The following HBP1 variants were observed in gnomAD, a reference collection of about 807,000 sequenced individuals.
The protein encoded by HBP1 is HMG box-containing protein 1.
A neutral mutation model predicts 62.6 loss-of-function variants in HBP1; 20 were observed. The ratio of observed to expected loss-of-function variants is 0.32; its 90% CI spans 0.22 to 0.46. The LOEUF (loss-of-function observed/expected upper bound fraction) is 0.46. Ranked by LOEUF, HBP1 falls within the 20% of genes least tolerant of loss-of-function variation. The pLI, the probability that HBP1 is intolerant of heterozygous loss-of-function variation, is 1.00. For synonymous variants in HBP1, 232 were observed against 206.2 expected (o/e 1.12, Z -1.07); for missense variants, 480 against 611.8 (o/e 0.78, Z 2.27).
intron 3 of HBP1, among the ~76,000 whole-genome samples, chr7:107,185,548 A>C (rs1171943405): frequency 6.6e-6 from 1 of 152,220 alleles, no homozygotes; most frequent in Non-Finnish European, 1.5e-5. Flanking sequence ...GGGATAAATA[A>C]ATGAAACCAT....
intron 1 of HBP1, among the ~76,000 whole-genome samples, chr7:107,171,594 CG>C (rs1318929351): frequency 6.6e-6 from 1 of 151,992 alleles, no homozygotes; most frequent in Non-Finnish European, 1.5e-5. Flanking sequence ...TGTCCCAGCA[CG>C]GTGTCTCACG....
intron 3 of HBP1, among the ~76,000 whole-genome samples, chr7:107,183,802 A>T (rs1221884190): frequency 1.3e-5 from 2 of 152,156 alleles, no homozygotes; most frequent in Non-Finnish European, 2.9e-5. Context: ...CTCCCTGAGG[A>T]TGTATTATTC....
chr7:107,170,977 A>G (rs1206255744), intron 1 of HBP1, among the ~76,000 whole-genome samples: 1 of 145,352 alleles, frequency 6.9e-6, no homozygotes, highest in Non-Finnish European at 1.5e-5. Context: ...TATATAACAT[A>G]CATGTATATA....
intron 8 of HBP1, among the ~76,000 whole-genome samples, chr7:107,190,957 A>G (rs1185004274): frequency 6.6e-6 from 1 of 152,194 alleles, no homozygotes; most frequent in African/African-American, 2.4e-5. Flanking sequence ...CTGAAAGTCT[A>G]GCTTTCAGGA....
At chr7:107,188,735 GTCTTT>G (rs1253139621) in intron 6 of HBP1, among the ~76,000 whole-genome samples, 2 of 152,100 alleles carry the variant, frequency 1.3e-5, no homozygotes, top group Admixed American at 6.5e-5. Flanking sequence ...CTTCTGTAGA[GTCTTT>G]TCTTATTTAC....
At chr7:107,184,852 A>G (rs1407122648) in intron 3 of HBP1, among the ~76,000 whole-genome samples, 4 of 152,194 alleles carry the variant, frequency 2.6e-5, no homozygotes, top group Non-Finnish European at 4.4e-5. Flanking sequence ...ACAGACATGC[A>G]TAAACTTTTT....
chr7:107,173,917 C>T (rs1211758492), intron 1 of HBP1, among the ~76,000 whole-genome samples: 1 of 152,008 alleles, frequency 6.6e-6, no homozygotes, highest in Non-Finnish European at 1.5e-5. Flanking sequence ...GTTAGCTCTA[C>T]CAGGAGATAT....
intron 1 of HBP1, among the ~76,000 whole-genome samples, chr7:107,178,341 A>G (rs1204702789): frequency 1.3e-5 from 2 of 152,226 alleles, no homozygotes; most frequent in Non-Finnish European, 2.9e-5. Context: ...AATTTAGACT[A>G]GAGCCTGAGA....
At chr7:107,195,794 A>G in intron 8 of HBP1, 40 bp from the exon 9 acceptor site, 1 of 970,312 alleles carries the variant, frequency 1.0e-6, no homozygotes, top group African/African-American at 1.7e-5. Flanking sequence ...AGAGAATTCA[A>G]AATTGAATTA....
At chr7:107,188,190 G>C (rs1797479800) in intron 6 of HBP1, among the ~76,000 whole-genome samples, 1 of 152,124 alleles carries the variant, frequency 6.6e-6, no homozygotes, top group African/African-American at 2.4e-5. Flanking sequence ...GCCTTCACCT[G>C]CACATTTCCA....
At chr7:107,200,331 A>G (rs755389343) in intron 10 of HBP1, 30 bp downstream of exon 10, 1 of 1,591,796 alleles carries the variant, frequency 6.3e-7, no homozygotes, top group African/African-American at 1.3e-5. Flanking sequence ...GTTTAAAATT[A>G]TCTTGCCTTA....
At chr7:107,193,375 A>C (rs1038780327) in intron 8 of HBP1, 1 of 152,218 alleles carries the variant, frequency 6.6e-6, no homozygotes, top group Non-Finnish European at 1.5e-5. Context: ...TTAGGATTCA[A>C]GCCCATATCT....
rs1383216952 is a variant in HBP1, at chr7:107,185,940, A to C, written c.538A>C (p.Arg180=). The change falls in exon 4 of 11, where the codon AGG becomes CGG. Residue 180 remains arginine, a splice_region_variant and synonymous_variant. Transcript: ENST00000222574. ...GGAGGAAACACCAGTAAGACACGAA[A>C]GGGTAAGTTTATTTATGAGGTTAAA... ...WKEETPVRHE[R]ANSESESGIF... is the part of the protein sequence containing the mutation. 6.2e-7 allele frequency: 1 copy of C among 1,610,612 alleles called. No individual in the cohort carries two copies. Among genetic ancestry groups the C allele is most frequent in the Non-Finnish European group, 8.5e-7 (1 of 1,177,012 alleles).
At chr7:107,198,162 T>C (rs1364273240) in intron 9 of HBP1, among the ~76,000 whole-genome samples, 1 of 152,290 alleles carries the variant, frequency 6.6e-6, no homozygotes, top group South Asian at 2.1e-4. Context: ...TGTTTTCTGA[T>C]CTTTTTATAG....
At chr7:107,183,885 T>A (rs1019362976) in intron 3 of HBP1, among the ~76,000 whole-genome samples, 1 of 152,220 alleles carries the variant, frequency 6.6e-6, no homozygotes, top group Non-Finnish European at 1.5e-5. Context: ...AGCTTATTGT[T>A]GAGTGTTAAA....
intron 1 of HBP1, among the ~76,000 whole-genome samples, chr7:107,173,752 G>T (rs1796712914): frequency 6.6e-6 from 1 of 152,162 alleles, no homozygotes; most frequent in Non-Finnish European, 1.5e-5. Context: ...TTGTAACACT[G>T]AACATGACAT....
chr7:107,175,203 T>G (rs897499468), intron 1 of HBP1, among the ~76,000 whole-genome samples: 3 of 146,874 alleles, frequency 2.0e-5, no homozygotes, highest in Admixed American at 6.8e-5. Context: ...TCAGACCTCT[T>G]TTAAAAAAAA....
At chr7:107,183,812 C>A (rs1797228215) in intron 3 of HBP1, among the ~76,000 whole-genome samples, 1 of 152,134 alleles carries the variant, frequency 6.6e-6, no homozygotes. Context: ...ATGTATTATT[C>A]TGTCCAGCAT....
Position 107,201,464 on chromosome 7 carries a change from G to A in HBP1, c.*33G>A, listed in dbSNP as rs760018179. 1 of 1,413,266 alleles carries A rather than the reference G, an allele frequency of 7.1e-7. No individual in the cohort carries two copies. The highest frequency in any genetic ancestry group is 1.0e-6 in the Non-Finnish European group (1 of 1,000,988). The allele number at this position is 1,413,266 out of a possible 1,614,324, so 87.5% of individuals were successfully genotyped here. A position where few individuals can be genotyped will look rare whatever the true frequency, so the allele number is the denominator to read the frequency against. On this transcript the variant is annotated 3_prime_UTR_variant, in exon 11 of 11. Coordinates refer to ENST00000222574, the MANE Select transcript of HBP1 (RefSeq NM_012257.4). ...TGCTTATGTTCTTAAGTCTATATTT[G>A]CATATACATTGACTCTTGATGGAAA... is the stretch of plus-strand genomic sequence containing the variant.
Sources: gnomAD v4.1 joint callset for allele counts (sites outside exome capture counted in the v4.1 genomes callset) on GRCh38, gnomAD v4.1.1 for gene constraint, MANE v1.5 for transcripts, NCBI Gene and HGNC (gene_info 2026-07-23, HGNC 2026-07-21) for gene names.